Variants in PCDHA8 observed in about 807,000 individuals in gnomAD.
PCDHA8 encodes protocadherin alpha-8.
In PCDHA8, 53 loss-of-function variants were observed where a neutral mutation model predicts 61.8. That is an observed-to-expected ratio of 0.86 (90% CI 0.69 to 1.08). The LOEUF (loss-of-function observed/expected upper bound fraction) is 1.08. Ranked by LOEUF, PCDHA8 falls within the 50% of genes least tolerant of loss-of-function variation. The pLI, the probability that PCDHA8 is intolerant of heterozygous loss-of-function variation, is 0.00. For missense variants in PCDHA8, 1,293 were observed against 1,245.0 expected, an observed-to-expected ratio of 1.04 and a Z score of -0.58; for synonymous variants, 618 against 556.6, an observed-to-expected ratio of 1.11 and a Z score of -1.55.
intron 1 of PCDHA8, chr5:140,870,383 G>C: frequency 6.2e-7 from 1 of 1,614,242 alleles, no homozygotes; most frequent in South Asian, 1.1e-5. Flanking sequence ...GTGACTGCGC[G>C]GGATGGGGGT....
At chr5:140,985,373 C>T (rs1228293287) in intron 3 of PCDHA8, among the ~76,000 whole-genome samples, 1 of 152,106 alleles carries the variant, frequency 6.6e-6, no homozygotes, top group Non-Finnish European at 1.5e-5. Flanking sequence ...TTATCTGGGT[C>T]TATATAATCC....
intron 1 of PCDHA8, chr5:140,867,796 C>A (rs1477266622): frequency 4.6e-5 from 7 of 152,060 alleles, no homozygotes; most frequent in African/African-American, 1.7e-4. Context: ...TTTTACTTAG[C>A]ATTTTCTATG....
At chr5:140,869,800 T>C (rs782065808) in intron 1 of PCDHA8, 2 of 1,612,808 alleles carry the variant, frequency 1.2e-6, no homozygotes, top group Non-Finnish European at 1.7e-6. Context: ...AGTCCAAGTC[T>C]TGGATGTCAA....
At chr5:140,858,376 A>G in intron 1 of PCDHA8, 2 of 1,587,998 alleles carry the variant, frequency 1.3e-6, no homozygotes. Flanking sequence ...GCCTTCCACC[A>G]TGCCCAATGG....
chr5:140,866,420 T>C (rs2049348301), intron 1 of PCDHA8: 1 of 152,148 alleles, frequency 6.6e-6, no homozygotes, highest in African/African-American at 2.4e-5. Context: ...CAAATGTGTG[T>C]AGGTCTTTCA....
At chr5:140,876,957 G>T (rs2056730695) in intron 1 of PCDHA8, 7 of 1,613,178 alleles carry the variant, frequency 4.3e-6, no homozygotes, top group Non-Finnish European at 5.9e-6. Context: ...ACTCGCTGGT[G>T]GAGCGGCGGG....
At chr5:140,967,790 C>T in intron 1 of PCDHA8, 1 of 1,614,188 alleles carries the variant, frequency 6.2e-7, no homozygotes, top group Non-Finnish European at 8.5e-7. Flanking sequence ...TGACCGGGGT[C>T]CAGTGCCCAT....
intron 1 of PCDHA8, chr5:140,968,796 C>G (rs2096270881): frequency 6.2e-7 from 1 of 1,614,220 alleles, no homozygotes; most frequent in East Asian, 2.2e-5. Context: ...GTGGCCATTA[C>G]AGTAGCTGTG....
chr5:140,950,668 T>C (rs185130303), intron 1 of PCDHA8, among the ~76,000 whole-genome samples: 5 of 152,238 alleles, frequency 3.3e-5, no homozygotes, highest in African/African-American at 9.6e-5. Flanking sequence ...TTATCAAACA[T>C]GTACATGTAT....
rs782133089 is a variant in PCDHA8, at chr5:140,924,894, CAAA to C, written c.2395-54046_2395-54044del. Reference sequence around the variant, plus strand: ...TGGGTGACAGAGCAAGAACCTGTCTCAAAAAAAAAAATAAAATAAAATAAAATA... The same window carrying C: ...TGGGTGACAGAGCAAGAACCTGTCTCAAAAAAAATAAAATAAAATAAAATA... On this transcript the variant is annotated intron_variant, in intron 1 of 3. Transcript: ENST00000531613. Among the ~76,000 whole-genome samples the C allele has an allele frequency of 6.8e-3, 488 of 71,480 alleles. 13 individuals carry two copies. Among genetic ancestry groups the C allele is most frequent in the East Asian group, 0.051 (79 of 1,534 alleles). The allele number at this position is 71,480 out of a possible 152,430, so 46.9% of individuals were successfully genotyped here. A position where few individuals can be genotyped will look rare whatever the true frequency, so the allele number is the denominator to read the frequency against.
At chr5:140,972,101 A>C (rs114554334) in intron 1 of PCDHA8, among the ~76,000 whole-genome samples, 3,080 of 152,290 alleles carry the variant, frequency 0.02, 42 homozygotes, top group Middle Eastern at 0.075. Flanking sequence ...CTGGCATAGA[A>C]GCAGGTAACA....
chr5:140,841,716 T>G lies in PCDHA8; in HGVS notation c.395T>G (p.Val132Gly), dbSNP rs1554138489. The G allele has an allele frequency of 6.2e-7, 1 of 1,613,904 alleles. No homozygotes were observed. Among genetic ancestry groups the G allele is most frequent in the Admixed American group, 1.7e-5 (1 of 59,998 alleles). ...EVKDVNDNPPVFRVKDQKLFV... is the reference protein window; with the variant it reads ...EVKDVNDNPPGFRVKDQKLFV... ...AAGGATGTTAATGACAACCCGCCAG[T>G]GTTCCGGGTAAAAGACCAAAAGCTG... Residue 132 changes from valine (V) to glycine (G), a missense_variant, in exon 1 of 4, where the codon GTG becomes GGG. By Grantham distance (109) the Val-to-Gly change is moderately radical. Transcript: ENST00000531613.
At chr5:140,892,283 C>T (rs1554185144) in intron 1 of PCDHA8, among the ~76,000 whole-genome samples, 1 of 152,172 alleles carries the variant, frequency 6.6e-6, no homozygotes, top group African/African-American at 2.4e-5. Context: ...GTATTAAACA[C>T]TTCTTCCTGG....
chr5:140,898,456 C>G (rs1333861280), intron 1 of PCDHA8, among the ~76,000 whole-genome samples: 2 of 152,134 alleles, frequency 1.3e-5, no homozygotes, highest in African/African-American at 2.4e-5. Flanking sequence ...AATCCTTTCC[C>G]CATTGCTTGT....
intron 1 of PCDHA8, chr5:140,857,244 C>A: frequency 6.3e-7 from 1 of 1,598,592 alleles, no homozygotes; most frequent in Admixed American, 1.7e-5. Flanking sequence ...CTGGTGTCCA[C>A]CTACAAGAAT....
intron 1 of PCDHA8, among the ~76,000 whole-genome samples, chr5:140,945,439 A>G (rs1291434553): frequency 6.6e-6 from 1 of 152,188 alleles, no homozygotes; most frequent in Non-Finnish European, 1.5e-5. Flanking sequence ...TTACAGAAAT[A>G]TAAAAAACTT....
chr5:140,873,888 T>C (rs1225763068), intron 1 of PCDHA8, among the ~76,000 whole-genome samples: 2 of 152,232 alleles, frequency 1.3e-5, no homozygotes, highest in African/African-American at 4.8e-5. Flanking sequence ...CTTGAACTCC[T>C]GACCTCAGGT....
chr5:140,907,136 G>A (rs115442963), intron 1 of PCDHA8, among the ~76,000 whole-genome samples: 1,721 of 152,234 alleles, frequency 0.011, 29 homozygotes, highest in African/African-American at 0.038. Flanking sequence ...TGTGAATTCC[G>A]GCTATGGGAG....
At chr5:140,970,650 ATTG>A (rs2096422935) in intron 1 of PCDHA8, among the ~76,000 whole-genome samples, 1 of 152,200 alleles carries the variant, frequency 6.6e-6, no homozygotes, top group South Asian at 2.1e-4. Flanking sequence ...ATAGTGATGA[ATTG>A]TTATCTTTCC....
Sources: gnomAD v4.1 joint callset for allele counts (sites outside exome capture counted in the v4.1 genomes callset) on GRCh38, gnomAD v4.1.1 for gene constraint, MANE v1.5 for transcripts, NCBI Gene and HGNC (gene_info 2026-07-23, HGNC 2026-07-21) for gene names.